SMOC2: variants seen among roughly 807,000 people sequenced by gnomAD.
SMOC2 encodes the protein SPARC related modular calcium binding 2.
Under a neutral mutation model 61.4 loss-of-function variants are expected in SMOC2, and 39 were observed. The ratio of observed to expected loss-of-function variants is 0.64; its 90% CI spans 0.49 to 0.83. SMOC2 has a LOEUF of 0.83. Among genes scored for constraint, SMOC2 ranks in the 40% least tolerant of loss-of-function variants. The pLI, the probability that SMOC2 is intolerant of heterozygous loss-of-function variation, is 0.00. For synonymous variants in SMOC2, 247 were observed against 239.9 expected (o/e 1.03, Z -0.27); for missense variants, 556 against 592.9 (o/e 0.94, Z 0.65).
At chr6:168,567,899 C>T (rs1784578641) in intron 7 of SMOC2, among the ~76,000 whole-genome samples, 1 of 151,548 alleles carries the variant, frequency 6.6e-6, no homozygotes, top group Non-Finnish European at 1.5e-5. Context: ...TGAGCAACTA[C>T]AGGCAAAGAC....
intron 1 of SMOC2, among the ~76,000 whole-genome samples, chr6:168,449,497 C>T (rs1781411911): frequency 6.6e-6 from 1 of 152,090 alleles, no homozygotes; most frequent in African/African-American, 2.4e-5. Context: ...AAGAATCAGG[C>T]CAACTTTAGG....
intron 7 of SMOC2, 47 bp from the exon 8 acceptor site, chr6:168,598,771 C>T (rs762276661): frequency 1.0e-4 from 159 of 1,596,764 alleles, no homozygotes; most frequent in Middle Eastern, 3.3e-4. Context: ...GCATGTGGGA[C>T]GACGTCGCTG....
chr6:168,594,079 C>T (rs1184426101), intron 7 of SMOC2, among the ~76,000 whole-genome samples: 1 of 68,234 alleles, frequency 1.5e-5, no homozygotes, highest in Non-Finnish European at 3.4e-5. Context: ...TAGAGGATCG[C>T]CGAGCTCCTC....
At chr6:168,512,302 A>C (rs938557869) in intron 2 of SMOC2, among the ~76,000 whole-genome samples, 2 of 152,134 alleles carry the variant, frequency 1.3e-5, no homozygotes, top group African/African-American at 2.4e-5. Flanking sequence ...TGCTTCCCTG[A>C]GCTCACCAGG....
At chr6:168,528,982 G>A (rs1783519801) in intron 4 of SMOC2, among the ~76,000 whole-genome samples, 2 of 152,156 alleles carry the variant, frequency 1.3e-5, no homozygotes, top group Non-Finnish European at 2.9e-5. Flanking sequence ...TTTTACGAAG[G>A]GGAAAGCAGT....
chr6:168,653,332 G>A (rs1787246783), intron 11 of SMOC2, 104 bp downstream of exon 11: 1 of 1,393,816 alleles, frequency 7.2e-7, no homozygotes. Context: ...TGGCCTGGGA[G>A]TGCAAAAAAT....
At chr6:168,598,680 C>T in intron 7 of SMOC2, 138 bp from the exon 8 acceptor site, 3 of 940,680 alleles carry the variant, frequency 3.2e-6, no homozygotes, top group Non-Finnish European at 3.3e-6. Flanking sequence ...CTGTGCCCCC[C>T]ACGCTGGCAG....
chr6:168,498,593 CT>C (rs1385321798), intron 1 of SMOC2, among the ~76,000 whole-genome samples: 2 of 152,274 alleles, frequency 1.3e-5, no homozygotes, highest in Non-Finnish European at 2.9e-5. Flanking sequence ...TCTGATCGCC[CT>C]TCCTGCTGCA....
At chr6:168,463,058 A>G (rs1781751029) in intron 1 of SMOC2, among the ~76,000 whole-genome samples, 1 of 152,212 alleles carries the variant, frequency 6.6e-6, no homozygotes, top group South Asian at 2.1e-4. Flanking sequence ...TCCCATTCCC[A>G]CAGGGGAGTT....
chr6:168,449,706 A>G (rs1781417104), intron 1 of SMOC2, among the ~76,000 whole-genome samples: 2 of 152,130 alleles, frequency 1.3e-5, no homozygotes, highest in South Asian at 2.1e-4. Flanking sequence ...TGGCATTAAG[A>G]TTCTGGGCTG....
chr6:168,607,519 G>T (rs539570765), intron 8 of SMOC2, among the ~76,000 whole-genome samples: 3 of 152,160 alleles, frequency 2.0e-5, no homozygotes, highest in African/African-American at 7.2e-5. Flanking sequence ...CCTCTTGGAT[G>T]TCAGCCCTGT....
chr6:168,524,943 G>T (rs1177160995), intron 2 of SMOC2, among the ~76,000 whole-genome samples: 2 of 152,216 alleles, frequency 1.3e-5, no homozygotes, highest in African/African-American at 4.8e-5. Flanking sequence ...TGGAGCCCAG[G>T]GCTGGTAATC....
At position 168,453,747 on chromosome 6, in the gene SMOC2, C is replaced by G. The variant is rs1209617587; in HGVS notation, c.84+12293C>G. 3.9e-5 allele frequency among the ~76,000 whole-genome samples: 6 copies of G among 152,008 alleles called. No homozygotes were observed. Among genetic ancestry groups the G allele is most frequent in the African/African-American group, 1.5e-4 (6 of 41,368 alleles). The stretch of plus-strand genomic sequence containing the variant: ...ACTACATCTCTGTCTATCTCTGTCT[C>G]TCTGTCTCCCTCTTTCTCTGTCTCT... On this transcript the variant is annotated intron_variant, in intron 1 of 12. Transcript: ENST00000356284. This position sits in a 1 kb window ranked among gnomAD's most constrained non-coding sequence, Gnocchi z 4.4.
intron 7 of SMOC2, among the ~76,000 whole-genome samples, chr6:168,565,302 G>T (rs1784516524): frequency 6.6e-6 from 1 of 152,228 alleles, no homozygotes; most frequent in African/African-American, 2.4e-5. Flanking sequence ...TGTTCTGAGG[G>T]CTGGAAGTCC....
chr6:168,526,760 G>A (rs1277865495), intron 3 of SMOC2, among the ~76,000 whole-genome samples: 2 of 152,096 alleles, frequency 1.3e-5, no homozygotes, highest in Admixed American at 6.5e-5. Flanking sequence ...CAATTAGACC[G>A]TGCTAACCTG....
At chr6:168,566,566 G>A (rs901773647) in intron 7 of SMOC2, among the ~76,000 whole-genome samples, 3 of 138,050 alleles carry the variant, frequency 2.2e-5, no homozygotes, top group Non-Finnish European at 3.1e-5. Context: ...CACTGCAACC[G>A]CCACCTCCCA....
chr6:168,522,932 G>C (rs187532308), intron 2 of SMOC2, among the ~76,000 whole-genome samples: 1 of 152,074 alleles, frequency 6.6e-6, no homozygotes, highest in Non-Finnish European at 1.5e-5. Flanking sequence ...GCAGCTTAAC[G>C]GGCATTCTTT....
intron 11 of SMOC2, 27 bp downstream of exon 11, chr6:168,653,255 G>C: frequency 6.2e-7 from 1 of 1,601,596 alleles, no homozygotes; most frequent in South Asian, 1.1e-5. Flanking sequence ...CCCCGACCCT[G>C]GGCAGTGGTC....
intron 7 of SMOC2, among the ~76,000 whole-genome samples, chr6:168,566,147 C>T (rs1013110143): frequency 3.9e-5 from 6 of 152,232 alleles, no homozygotes; most frequent in South Asian, 4.2e-4. Context: ...CCACCTTGGC[C>T]GGCAGGGAGG....
Sources: allele counts gnomAD v4.1 joint callset (sites outside exome capture counted in the v4.1 genomes callset), GRCh38; gene constraint gnomAD v4.1.1; non-coding constraint Gnocchi (gnomAD v3.1); transcripts MANE v1.5; gene names NCBI Gene and HGNC (gene_info 2026-07-23, HGNC 2026-07-21).